Variants in RANBP2 observed in about 807,000 individuals in gnomAD.
RANBP2 encodes the protein E3 SUMO-protein ligase RanBP2.
In RANBP2, 57 loss-of-function variants were observed where a neutral mutation model predicts 303.6. The observed-to-expected ratio is 0.19, with a 90% confidence interval of 0.15 to 0.23. The LOEUF is 0.23. Among genes scored for constraint, RANBP2 ranks in the 10% least tolerant of loss-of-function variants. The pLI, the probability that RANBP2 is intolerant of heterozygous loss-of-function variation, is 1.00. For missense variants in RANBP2, 3,138 were observed against 3,780.8 expected (o/e 0.83, Z 4.46); for synonymous variants, 1,167 against 1,301.5 (o/e 0.90, Z 2.23).
At chr2:109,647,462 C>T in the RANBP2 span, among the ~76,000 whole-genome samples, 8 of 151,454 alleles carry the variant, frequency 5.3e-5, no homozygotes, top group Non-Finnish European at 1.0e-4. Context: ...ACACCCGGCC[C>T]TCTCCTCACT....
chr2:108,856,957 G>A, the RANBP2 span: 9 of 1,590,364 alleles, frequency 5.7e-6, no homozygotes, highest in Non-Finnish European at 7.7e-6. Flanking sequence ...TGCTCCAGAT[G>A]ACGGTGGAAT....
chr2:109,720,831 C>T, the RANBP2 span, among the ~76,000 whole-genome samples: 2 of 152,332 alleles, frequency 1.3e-5, no homozygotes, highest in Middle Eastern at 3.4e-3. Context: ...CACAGCAGGG[C>T]ACTGCTTTCT....
At chr2:109,708,725 C>T in the RANBP2 span, among the ~76,000 whole-genome samples, 1 of 152,002 alleles carries the variant, frequency 6.6e-6, no homozygotes. Context: ...TGCTGTGATC[C>T]CAGCACCTTG....
the RANBP2 span, among the ~76,000 whole-genome samples, chr2:109,593,891 C>T: frequency 2.6e-5 from 4 of 152,192 alleles, no homozygotes; most frequent in Non-Finnish European, 5.9e-5. Flanking sequence ...ACTCATATTA[C>T]ACGTCCATAT....
chr2:108,944,993 C>T, the RANBP2 span, among the ~76,000 whole-genome samples: 2 of 152,172 alleles, frequency 1.3e-5, no homozygotes, highest in African/African-American at 2.4e-5. Context: ...CAGTGATCAC[C>T]GTATTATACC....
At chr2:109,337,311 C>T in the RANBP2 span, among the ~76,000 whole-genome samples, 4 of 152,234 alleles carry the variant, frequency 2.6e-5, no homozygotes, top group Non-Finnish European at 5.9e-5. Flanking sequence ...GCCGGGAGCC[C>T]TGGGTGCAGG....
the RANBP2 span, among the ~76,000 whole-genome samples, chr2:109,110,417 A>G: frequency 6.6e-6 from 1 of 152,144 alleles, no homozygotes; most frequent in Non-Finnish European, 1.5e-5. Flanking sequence ...CCGTGTCCTT[A>G]ATCTTGCGAT....
chr2:108,774,335 G>A (rs191194672), intron 23 of RANBP2, among the ~76,000 whole-genome samples: 2 of 152,248 alleles, frequency 1.3e-5, no homozygotes, highest in East Asian at 3.9e-4. Flanking sequence ...TGATATGTGT[G>A]TGTAGTCCCA....
At chr2:109,678,382 G>A in the RANBP2 span, among the ~76,000 whole-genome samples, 17 of 152,178 alleles carry the variant, frequency 1.1e-4, no homozygotes, top group Middle Eastern at 3.2e-3. Context: ...GGGACCCTTC[G>A]CTTAGCTGTA....
chr2:109,561,947 ATGGGG>A, the RANBP2 span, among the ~76,000 whole-genome samples: 1 of 152,092 alleles, frequency 6.6e-6, no homozygotes, highest in Non-Finnish European at 1.5e-5. Context: ...TTTAGTAGAG[ATGGGG>A]TTTCAAGACC....
chr2:109,371,321 C>T, the RANBP2 span, among the ~76,000 whole-genome samples: 7 of 152,210 alleles, frequency 4.6e-5, no homozygotes, highest in African/African-American at 7.2e-5. Flanking sequence ...ACCCCGGAGG[C>T]GGAGGCTGCA....
chr2:109,606,204 CAA>C, the RANBP2 span, among the ~76,000 whole-genome samples: 1 of 152,104 alleles, frequency 6.6e-6, no homozygotes, highest in African/African-American at 2.4e-5. Context: ...ATTACAAAGT[CAA>C]GAGATTGAGA....
chr2:109,338,028 A>C, the RANBP2 span, among the ~76,000 whole-genome samples: 6 of 152,024 alleles, frequency 3.9e-5, no homozygotes, highest in East Asian at 1.2e-3. Context: ...CACCGCGCCC[A>C]GGCTCCTTCT....
At chr2:109,374,791 G>T in the RANBP2 span, among the ~76,000 whole-genome samples, 2 of 152,222 alleles carry the variant, frequency 1.3e-5, no homozygotes, top group Non-Finnish European at 2.9e-5. Flanking sequence ...GCGCACAGCT[G>T]CCCTATGGGG....
chr2:109,694,611 C>T, the RANBP2 span, among the ~76,000 whole-genome samples: 1,112 of 152,198 alleles, frequency 7.3e-3, 8 homozygotes, highest in African/African-American at 0.025. Context: ...GCTGTTCTCA[C>T]ATTGCTATAA....
the RANBP2 span, among the ~76,000 whole-genome samples, chr2:109,062,586 C>T: frequency 2.0e-5 from 3 of 152,160 alleles, no homozygotes; most frequent in Non-Finnish European, 4.4e-5. Context: ...CCTCCTGTCC[C>T]CAAAGCCCCT....
chr2:108,952,823 T>A, the RANBP2 span, among the ~76,000 whole-genome samples: 1 of 152,242 alleles, frequency 6.6e-6, no homozygotes, highest in African/African-American at 2.4e-5. Context: ...CTACTTTAAA[T>A]AGCACTGAGT....
chr2:109,631,744 G>A, the RANBP2 span, among the ~76,000 whole-genome samples: 1 of 151,458 alleles, frequency 6.6e-6, no homozygotes, highest in African/African-American at 2.4e-5. Context: ...TAACAAGAGC[G>A]AAACTCAGTC....
the RANBP2 span, among the ~76,000 whole-genome samples, chr2:109,209,514 G>A: frequency 6.6e-6 from 1 of 152,160 alleles, no homozygotes; most frequent in Non-Finnish European, 1.5e-5. Flanking sequence ...GGTACAGCAA[G>A]GGAGGCGAGA....
Sources: gnomAD v4.1 joint callset for allele counts (sites outside exome capture counted in the v4.1 genomes callset) on GRCh38, gnomAD v4.1.1 for gene constraint, MANE v1.5 for transcripts, NCBI Gene and HGNC (gene_info 2026-07-23, HGNC 2026-07-21) for gene names.